MCU: variants seen among roughly 807,000 people sequenced by gnomAD.
The protein encoded by MCU is calcium uniporter protein, mitochondrial.
Under a neutral mutation model 45.2 loss-of-function variants are expected in MCU, and 12 were observed. The ratio of observed to expected loss-of-function variants is 0.27; its 90% confidence interval spans 0.17 to 0.43. The LOEUF (loss-of-function observed/expected upper bound fraction) is 0.43, where lower values mean the gene tolerates loss of function less well. MCU is among the 20% of genes least tolerant of loss of function. The probability of loss-of-function intolerance (pLI) is 1.00; values close to 1 mark genes in which losing one functional copy is unlikely to be tolerated. For synonymous variants in MCU, 160 were observed against 165.1 expected (o/e 0.97, Z 0.24); for missense variants, 324 against 436.7 (o/e 0.74, Z 2.30).
chr10:72,773,520 C>T (rs1267405775), intron 1 of MCU, among the ~76,000 whole-genome samples: 1 of 152,096 alleles, frequency 6.6e-6, no homozygotes, highest in African/African-American at 2.4e-5. Flanking sequence ...TTAAGACTTA[C>T]TGGTGTTCAA....
chr10:72,785,387 T>C (rs1310098657), intron 1 of MCU, among the ~76,000 whole-genome samples: 3 of 152,204 alleles, frequency 2.0e-5, no homozygotes, highest in Non-Finnish European at 4.4e-5. Context: ...TAGTCAGACA[T>C]GCATCTTTAA....
chr10:72,771,337 C>T (rs1843804825), intron 1 of MCU, among the ~76,000 whole-genome samples: 1 of 152,082 alleles, frequency 6.6e-6, no homozygotes. Flanking sequence ...TGATGGTTTC[C>T]AGCTCTATCC....
At chr10:72,743,464 G>T (rs1467244166) in intron 1 of MCU, among the ~76,000 whole-genome samples, 1 of 148,824 alleles carries the variant, frequency 6.7e-6, no homozygotes, top group Non-Finnish European at 1.5e-5. Context: ...ATATCTTTAT[G>T]GGGGGGAGAT....
intron 1 of MCU, among the ~76,000 whole-genome samples, chr10:72,752,972 T>G (rs1843524079): frequency 6.6e-6 from 1 of 152,234 alleles, no homozygotes; most frequent in Non-Finnish European, 1.5e-5. Flanking sequence ...CATAACAGTC[T>G]GCTGGTTTCT....
chr10:72,866,780 A>T (rs1489574716), intron 4 of MCU, among the ~76,000 whole-genome samples: 1 of 152,058 alleles, frequency 6.6e-6, no homozygotes, highest in African/African-American at 2.4e-5. Context: ...TGCAGGAGAG[A>T]TTTAATATTG....
chr10:72,709,138 T>C (rs1842858817), intron 1 of MCU, among the ~76,000 whole-genome samples: 1 of 152,162 alleles, frequency 6.6e-6, no homozygotes, highest in Non-Finnish European at 1.5e-5. Flanking sequence ...CAACTGTAGA[T>C]TCTTTCTGTA....
At chr10:72,805,211 T>TTTC (rs1554824958) in intron 1 of MCU, among the ~76,000 whole-genome samples, 1 of 146,838 alleles carries the variant, frequency 6.8e-6, no homozygotes, top group Admixed American at 6.8e-5. Flanking sequence ...CCTTTCTTCC[T>TTTC]TTCCTTTCCT....
At chr10:72,880,478 C>T (rs1394744392) in intron 6 of MCU, among the ~76,000 whole-genome samples, 6 of 139,114 alleles carry the variant, frequency 4.3e-5, no homozygotes, top group Admixed American at 7.5e-5. Flanking sequence ...GAAGGCAAAG[C>T]GGGGGGGGGG....
At chr10:72,810,919 C>T (rs781345826) in intron 1 of MCU, among the ~76,000 whole-genome samples, 32 of 152,006 alleles carry the variant, frequency 2.1e-4, no homozygotes, top group Non-Finnish European at 3.4e-4. Context: ...TGCCAGAGAA[C>T]ATAGTTAAAA....
At chr10:72,823,138 T>C (rs1844739761) in intron 1 of MCU, among the ~76,000 whole-genome samples, 1 of 152,160 alleles carries the variant, frequency 6.6e-6, no homozygotes, top group Non-Finnish European at 1.5e-5. Context: ...GATGAGTGGA[T>C]AAACAAAATG....
At chr10:72,875,720 C>A (rs1845607167) in intron 6 of MCU, among the ~76,000 whole-genome samples, 1 of 152,136 alleles carries the variant, frequency 6.6e-6, no homozygotes, top group Non-Finnish European at 1.5e-5. Context: ...AGATGGCAAG[C>A]TCCTTGAAAT....
intron 6 of MCU, among the ~76,000 whole-genome samples, chr10:72,872,986 GT>G (rs1373318017): frequency 1.3e-5 from 1 of 79,504 alleles, no homozygotes; most frequent in African/African-American, 4.7e-5. Flanking sequence ...TTTTTTATTT[GT>G]TTGTTTTTGT....
At chr10:72,725,230 A>G (rs993532584) in intron 1 of MCU, among the ~76,000 whole-genome samples, 1 of 151,614 alleles carries the variant, frequency 6.6e-6, no homozygotes, top group Non-Finnish European at 1.5e-5. Context: ...GGTTCCCGCC[A>G]TTCTCCTGCC....
rs571940454 is a variant in MCU at position 72,723,771 on chromosome 10, G to C, written c.150+31470G>C. Among the ~76,000 whole-genome samples, 5 of 152,240 alleles carry C rather than the reference G, an allele frequency of 3.3e-5. No homozygotes were observed. In the South Asian group the frequency reaches 8.3e-4, roughly 25 times the overall value. ...ATATATTTTTTGGTAGCACATTTGA[G>C]GATTTTAAAGGTAAACATTCTTTCC... is the stretch of plus-strand genomic sequence containing the variant. On this transcript the variant is annotated intron_variant, in intron 1 of 7. Coordinates refer to ENST00000373053, the MANE Select transcript of MCU (RefSeq NM_138357.3).
At chr10:72,762,582 A>G (rs184327894) in intron 1 of MCU, among the ~76,000 whole-genome samples, 61 of 152,316 alleles carry the variant, frequency 4.0e-4, no homozygotes, top group African/African-American at 1.4e-3. Flanking sequence ...GCCAATTAAG[A>G]TTCTGGATTG....
chr10:72,849,063 G>A (rs1033668619), intron 2 of MCU, among the ~76,000 whole-genome samples: 16 of 152,000 alleles, frequency 1.1e-4, no homozygotes, highest in Middle Eastern at 3.4e-3. Context: ...GGTGGATCAC[G>A]AGGTCAGGCA....
intron 1 of MCU, among the ~76,000 whole-genome samples, chr10:72,796,901 C>T (rs1424070964): frequency 6.6e-6 from 1 of 151,950 alleles, no homozygotes; most frequent in East Asian, 1.9e-4. Flanking sequence ...ACTTTATTTT[C>T]TGATTTTGTT....
At position 72,812,958 on chromosome 10, in the gene MCU, G is replaced by A. The variant is rs148451652; in HGVS notation, c.151-21401G>A. ...GCTTTAACTGTCACCTCTGATTCCT[G>A]GATCACTTTCATCACTGTCTTTTCT... On this transcript the variant is annotated intron_variant, in intron 1 of 7. Transcript: ENST00000373053. 1.7e-4 allele frequency among the ~76,000 whole-genome samples: 26 copies of A among 152,114 alleles called. No homozygotes were observed. In the East Asian group the frequency reaches 5.0e-3, roughly 29 times the overall value.
chr10:72,726,252 C>T (rs1843099204), intron 1 of MCU, among the ~76,000 whole-genome samples: 1 of 83,194 alleles, frequency 1.2e-5, no homozygotes, highest in Non-Finnish European at 2.5e-5. Flanking sequence ...GGCACACACA[C>T]ACACGTGTGT....
Sources: allele counts gnomAD v4.1 joint callset (sites outside exome capture counted in the v4.1 genomes callset), GRCh38; gene constraint gnomAD v4.1.1; transcripts MANE v1.5; gene names NCBI Gene and HGNC (gene_info 2026-07-23, HGNC 2026-07-21).